Variants in SPSB1 observed in about 807,000 individuals in gnomAD.
SPSB1 encodes SPRY domain-containing SOCS box protein 1.
Under a neutral mutation model 21.2 loss-of-function variants are expected in SPSB1, and 8 were observed. The ratio of observed to expected loss-of-function variants is 0.38; its 90% CI spans 0.22 to 0.68. The LOEUF is 0.68. Among genes scored for constraint, SPSB1 ranks in the 30% least tolerant of loss-of-function variants. The pLI, the probability that SPSB1 is intolerant of heterozygous loss-of-function variation, is 0.53. For missense variants in SPSB1, 242 were observed against 377.8 expected (o/e 0.64, Z 2.98); for synonymous variants, 169 against 161.7 (o/e 1.05, Z -0.34).
At position 9,356,565 on chromosome 1, in the gene SPSB1, G is replaced by T; in HGVS notation, c.674G>T (p.Arg225Leu). 6.3e-6 allele frequency: 10 copies of T among 1,598,876 alleles called. No homozygotes were observed. Among genetic ancestry groups the T allele is most frequent in the Non-Finnish European group, 8.6e-6 (10 of 1,168,688 alleles). Reference sequence around the variant, plus strand: ...TGGGGCCACTGTGAGATCCGAATGCGCTACTTGAACGGACTCGATCGTAAG... The same window carrying T: ...TGGGGCCACTGTGAGATCCGAATGCTCTACTTGAACGGACTCGATCGTAAG... The part of the protein sequence containing the change: ...AVWGHCEIRM[R>L]YLNGLDPEPL... Residue 225 changes from arginine (R) to leucine (L), a missense_variant, in exon 2 of 3, where the codon CGC (arginine) becomes CTC (leucine). Coordinates refer to ENST00000328089, the MANE Select transcript of SPSB1 (RefSeq NM_025106.4). The surrounding 1 kb of genome is among the most constrained non-coding windows in gnomAD (Gnocchi z 7.4).
At chr1:9,314,232 C>A (rs1449018361) in intron 1 of SPSB1, among the ~76,000 whole-genome samples, 1 of 151,986 alleles carries the variant, frequency 6.6e-6, no homozygotes, top group East Asian at 1.9e-4. Flanking sequence ...GAAAATACCC[C>A]CAAATATCCA....
At position 9,344,067 on chromosome 1, in the gene SPSB1, C is replaced by T. The variant is rs538987590; in HGVS notation, c.-149-11676C>T. ...CCTCCCAAAGTGCTGGGATTACAGG[C>T]GTGAGCCACCGCACCTGGCCAAGAT... On this transcript the variant is annotated intron_variant, in intron 1 of 2. Coordinates refer to ENST00000328089, the MANE Select transcript of SPSB1 (RefSeq NM_025106.4). 2.9e-3 allele frequency among the ~76,000 whole-genome samples: 445 copies of T among 152,280 alleles called. 2 individuals are homozygous for T. The highest frequency in any genetic ancestry group is 5.0e-3 in the Non-Finnish European group (339 of 68,026).
chr1:9,355,253 G>T (rs1340707969), intron 1 of SPSB1, among the ~76,000 whole-genome samples: 2 of 152,212 alleles, frequency 1.3e-5, no homozygotes, highest in Non-Finnish European at 1.5e-5. Context: ...CTGTGCCAGA[G>T]ACAGGGAGGA....
Position 9,320,761 on chromosome 1 carries a change from C to G in SPSB1, c.-150+27690C>G, listed in dbSNP as rs569521200. 1.6e-4 allele frequency among the ~76,000 whole-genome samples: 25 copies of G among 152,256 alleles called. No individual in the cohort carries two copies. The South Asian group carries it at 2.3e-3, about 14-fold the overall frequency. The stretch of plus-strand genomic sequence containing the variant: ...GGCCACGACCTTCCTTTTGAAGGTG[C>G]CTGGAGGGTGACTCCGTGTTTCTTG... On this transcript the variant is annotated intron_variant, in intron 1 of 2. Transcript: ENST00000328089.
intron 1 of SPSB1, among the ~76,000 whole-genome samples, chr1:9,327,788 G>A (rs952361067): frequency 2.6e-5 from 4 of 152,246 alleles, no homozygotes; most frequent in African/African-American, 7.2e-5. Flanking sequence ...ACTCTGTAGC[G>A]TGAAAGCAGC....
chr1:9,338,993 C>T (rs1310446552), intron 1 of SPSB1, among the ~76,000 whole-genome samples: 1 of 152,166 alleles, frequency 6.6e-6, no homozygotes, highest in Non-Finnish European at 1.5e-5. Context: ...AGTCTGGGCC[C>T]GGGAGCGGCC....
chr1:9,303,049 C>T (rs1570170541), intron 1 of SPSB1, among the ~76,000 whole-genome samples: 1 of 152,158 alleles, frequency 6.6e-6, no homozygotes, highest in East Asian at 1.9e-4. Context: ...TCTTTGGGCT[C>T]CCTGTGCCTC....
chr1:9,331,332 T>G (rs1462971189), intron 1 of SPSB1, among the ~76,000 whole-genome samples: 2 of 141,648 alleles, frequency 1.4e-5, no homozygotes, highest in African/African-American at 2.7e-5. Flanking sequence ...TTTTTTTTTT[T>G]TTTTTTTTTT....
intron 1 of SPSB1, among the ~76,000 whole-genome samples, chr1:9,342,861 C>T (rs534637005): frequency 1.3e-5 from 2 of 152,360 alleles, no homozygotes; most frequent in South Asian, 2.1e-4. Context: ...ATTCTGCTCT[C>T]GAAGGCTCTT....
chr1:9,336,763 T>C (rs1245977892), intron 1 of SPSB1, among the ~76,000 whole-genome samples: 1 of 152,216 alleles, frequency 6.6e-6, no homozygotes, highest in Non-Finnish European at 1.5e-5. Context: ...GCCACTGCCC[T>C]TTGCTGCCTT....
intron 1 of SPSB1, among the ~76,000 whole-genome samples, chr1:9,351,051 A>C (rs1640247553): frequency 6.6e-6 from 1 of 152,226 alleles, no homozygotes; most frequent in Non-Finnish European, 1.5e-5. Context: ...ATGTCCAGGA[A>C]TTGTGATGAT....
In SPSB1 at chr1:9,307,075, G is replaced by C. The variant is rs185013916; in HGVS notation, c.-150+14004G>C. 9.4e-4 allele frequency among the ~76,000 whole-genome samples: 143 copies of C among 151,974 alleles called. 1 individual carries two copies. The highest frequency in any genetic ancestry group is 3.9e-3 in the East Asian group (20 of 5,174). On this transcript the variant is annotated intron_variant, in intron 1 of 2. Transcript: ENST00000328089. ...CCTGGGTAGCTGGGATTACAGGCAC[G>C]TGCCACCACGCCTGGCTAATTTTTG...
chr1:9,325,235 C>A (rs1256386643), intron 1 of SPSB1, among the ~76,000 whole-genome samples: 1 of 146,778 alleles, frequency 6.8e-6, no homozygotes, highest in African/African-American at 2.7e-5. Flanking sequence ...ACCCCCCCCC[C>A]CCGCCCCGCC....
chr1:9,313,942 T>C (rs1639565920), intron 1 of SPSB1, among the ~76,000 whole-genome samples: 1 of 152,102 alleles, frequency 6.6e-6, no homozygotes, highest in Non-Finnish European at 1.5e-5. Flanking sequence ...TTGGGAGGCC[T>C]AGGCGGGCGG....
At chr1:9,318,162 A>AT (rs1639644829) in intron 1 of SPSB1, among the ~76,000 whole-genome samples, 1 of 152,192 alleles carries the variant, frequency 6.6e-6, no homozygotes, top group African/African-American at 2.4e-5. Flanking sequence ...GTCTGGGCTG[A>AT]CAGCAGGCAG....
chr1:9,314,138 T>C (rs1304095649), intron 1 of SPSB1, among the ~76,000 whole-genome samples: 2 of 149,122 alleles, frequency 1.3e-5, no homozygotes, highest in Non-Finnish European at 3.0e-5. Context: ...ATCGCACTAC[T>C]GCACTCCAGC....
chr1:9,354,800 CAA>C (rs5772367), intron 1 of SPSB1, among the ~76,000 whole-genome samples: 1 of 146,404 alleles, frequency 6.8e-6, no homozygotes, highest in Non-Finnish European at 1.5e-5. Flanking sequence ...GACTGCGTCT[CAA>C]AAAAAAAAAG....
chr1:9,351,517 C>G (rs1278925010), intron 1 of SPSB1: 2 of 152,192 alleles, frequency 1.3e-5, no homozygotes, highest in African/African-American at 4.8e-5. Context: ...CAGGGTGGAT[C>G]TTGGTGGCCG....
rs367986696 is a variant in SPSB1, at chr1:9,299,565, C to T, written c.-150+6494C>T. Among the ~76,000 whole-genome samples, 13 of 152,156 alleles carry T rather than the reference C, an allele frequency of 8.5e-5. No homozygotes were observed. The East Asian group carries it at 2.1e-3, about 25-fold the overall frequency. On this transcript the variant is annotated intron_variant, in intron 1 of 2. Coordinates refer to ENST00000328089, the MANE Select transcript of SPSB1 (RefSeq NM_025106.4). ...TGCAATCTCGGCTCACTGCAACCTC[C>T]GCCTCCCGGGTTCAAGCAATTCTCC... is the stretch of plus-strand genomic sequence containing the variant.
Sources: allele counts gnomAD v4.1 joint callset (sites outside exome capture counted in the v4.1 genomes callset), GRCh38; gene constraint gnomAD v4.1.1; non-coding constraint Gnocchi (gnomAD v3.1); transcripts MANE v1.5; gene names NCBI Gene and HGNC (gene_info 2026-07-23, HGNC 2026-07-21).